ADAMTS12: variants seen among roughly 807,000 people sequenced by gnomAD.
ADAMTS12 encodes the protein ADAM metallopeptidase with thrombospondin type 1 motif 12, also known as A disintegrin and metalloproteinase with thrombospondin motifs 12.
In ADAMTS12, 118 loss-of-function variants were observed where a neutral mutation model predicts 167.8. The ratio of observed to expected loss-of-function variants is 0.70; its 90% CI spans 0.61 to 0.82. The LOEUF (loss-of-function observed/expected upper bound fraction) is 0.82. Among genes scored for constraint, ADAMTS12 ranks in the 40% least tolerant of loss-of-function variants. The pLI, the probability that ADAMTS12 is intolerant of heterozygous loss-of-function variation, is 0.00. For synonymous variants in ADAMTS12, 704 were observed against 716.9 expected, an observed-to-expected ratio of 0.98 and a Z score of 0.29; for missense variants, 1,916 against 1,998.8, an observed-to-expected ratio of 0.96 and a Z score of 0.79.
intron 5 of ADAMTS12, among the ~76,000 whole-genome samples, chr5:33,669,311 A>G (rs1297943567): frequency 6.6e-6 from 1 of 152,212 alleles, no homozygotes; most frequent in East Asian, 1.9e-4. Context: ...GATATCATCC[A>G]GTTCCCTAAA....
intron 12 of ADAMTS12, among the ~76,000 whole-genome samples, chr5:33,635,879 C>T (rs1740168598): frequency 6.6e-6 from 1 of 152,264 alleles, no homozygotes; most frequent in East Asian, 1.9e-4. Flanking sequence ...AAAATAATAG[C>T]ATAGGAATCT....
chr5:33,663,161 C>T (rs984408906), intron 5 of ADAMTS12, among the ~76,000 whole-genome samples: 7 of 152,240 alleles, frequency 4.6e-5, no homozygotes, highest in Non-Finnish European at 7.3e-5. Flanking sequence ...TGCTAAAAGT[C>T]ACTGAGCTGC....
intron 3 of ADAMTS12, among the ~76,000 whole-genome samples, chr5:33,707,840 C>T (rs1482761449): frequency 1.3e-5 from 2 of 152,012 alleles, no homozygotes; most frequent in Non-Finnish European, 2.9e-5. Context: ...GACCTAAAAC[C>T]ATAAAAACTC....
chr5:33,576,049 C>A lies in ADAMTS12; in HGVS notation c.3972+5G>T. 2 of 1,608,694 alleles carry A rather than the reference C, an allele frequency of 1.2e-6. No individual in the cohort carries two copies. Among genetic ancestry groups the A allele is most frequent in the African/African-American group, 2.7e-5 (2 of 74,810 alleles). ...AAACCAGGCCAGGGGTAGGAAATGT[C>A]TTACCTCGCTCCAGTTTCCGACGAT... On this transcript the variant is annotated splice_donor_5th_base_variant and intron_variant, in intron 19 of 23. Coordinates refer to ENST00000504830, the MANE Select transcript of ADAMTS12 (RefSeq NM_030955.4).
chr5:33,767,352 TA>T (rs1745572892), intron 2 of ADAMTS12, among the ~76,000 whole-genome samples: 2 of 152,222 alleles, frequency 1.3e-5, no homozygotes, highest in Non-Finnish European at 2.9e-5. Context: ...TCTTTTATAC[TA>T]AAAATAAAGT....
intron 13 of ADAMTS12, among the ~76,000 whole-genome samples, chr5:33,630,286 A>G (rs1433674594): frequency 6.6e-6 from 1 of 152,222 alleles, no homozygotes; most frequent in African/African-American, 2.4e-5. Flanking sequence ...AATAATTTAT[A>G]TAGACTTGAT....
At chr5:33,847,524 G>A (rs1318957216) in intron 2 of ADAMTS12, among the ~76,000 whole-genome samples, 1 of 152,102 alleles carries the variant, frequency 6.6e-6, no homozygotes, top group Admixed American at 6.5e-5. Flanking sequence ...TCGGGAGGCT[G>A]AGGCAGGAGA....
In ADAMTS12 at chr5:33,524,306, T is replaced by G. The variant is rs1743708648; in HGVS notation, c.*2882A>C. ...CGTGGTGTGTTTAATTACATTTTCA[T>G]GTTTAAGAATTATATTAACCCACAA... is the stretch of plus-strand genomic sequence containing the variant. On this transcript the variant is annotated 3_prime_UTR_variant, in exon 24 of 24. Coordinates refer to ENST00000504830, the MANE Select transcript of ADAMTS12 (RefSeq NM_030955.4). 1 of 152,236 alleles carries G rather than the reference T, an allele frequency of 6.6e-6. No homozygotes were observed. 9.4% of individuals were successfully genotyped at this position (152,236 alleles called of 1,614,324 possible).
intron 3 of ADAMTS12, among the ~76,000 whole-genome samples, chr5:33,710,028 G>A (rs998879135): frequency 3.3e-5 from 5 of 151,906 alleles, no homozygotes; most frequent in African/African-American, 9.7e-5. Context: ...TAAACTCTTC[G>A]AAGCCAATTC....
At chr5:33,622,226 A>T (rs2112115632) in intron 14 of ADAMTS12, among the ~76,000 whole-genome samples, 1 of 152,274 alleles carries the variant, frequency 6.6e-6, no homozygotes, top group South Asian at 2.1e-4. Flanking sequence ...CCAGAATTAG[A>T]GTTGGATTTC....
chr5:33,641,764 C>A, intron 11 of ADAMTS12, 46 bp downstream of exon 11: 7 of 1,505,880 alleles, frequency 4.6e-6, no homozygotes, highest in Non-Finnish European at 5.4e-6. Flanking sequence ...CCCATCCCGC[C>A]CCCAGCACAT....
intron 5 of ADAMTS12, among the ~76,000 whole-genome samples, chr5:33,664,590 A>G (rs1741401276): frequency 6.6e-6 from 1 of 152,210 alleles, no homozygotes; most frequent in Admixed American, 6.5e-5. Context: ...GCAAATTAAA[A>G]CTACAATATG....
At chr5:33,750,016 A>C (rs6874519) in intron 3 of ADAMTS12, among the ~76,000 whole-genome samples, 100,992 of 152,040 alleles carry the variant, frequency 0.66, 34,714 homozygotes, top group Non-Finnish European at 0.75. Flanking sequence ...GTGATTTAAA[A>C]GGTATAAAAT....
In ADAMTS12 at chr5:33,840,489, C is replaced by T. The variant is rs558949162; in HGVS notation, c.489+40630G>A. ...AGATGTGCCACCCTGAGCAACTCACCTAAGTTCCCTGTGGCCTGTTTCCTC... is the reference window on the plus strand; with the variant it reads ...AGATGTGCCACCCTGAGCAACTCACTTAAGTTCCCTGTGGCCTGTTTCCTC... On this transcript the variant is annotated intron_variant, in intron 2 of 23. Transcript: ENST00000504830. Among the ~76,000 whole-genome samples the T allele has an allele frequency of 2.6e-5, 4 of 152,350 alleles. No individual in the cohort carries two copies. The South Asian group carries it at 8.3e-4, about 32-fold the overall frequency.
At chr5:33,673,769 T>C (rs1450987702) in intron 5 of ADAMTS12, among the ~76,000 whole-genome samples, 1 of 152,160 alleles carries the variant, frequency 6.6e-6, no homozygotes, top group African/African-American at 2.4e-5. Flanking sequence ...CAACAACTGC[T>C]TGTATTAGCA....
At chr5:33,649,113 T>C (rs1032759283) in intron 8 of ADAMTS12, 147 bp from the exon 9 acceptor site, 29 of 888,370 alleles carry the variant, frequency 3.3e-5, no homozygotes, top group Non-Finnish European at 4.2e-5. Context: ...TCTAGGCCCA[T>C]CATGGGAGTT....
chr5:33,563,632 T>C (rs1385405596), intron 19 of ADAMTS12, among the ~76,000 whole-genome samples: 1 of 152,202 alleles, frequency 6.6e-6, no homozygotes, highest in African/African-American at 2.4e-5. Flanking sequence ...GTCACTTCTA[T>C]TTTACACGAC....
chr5:33,863,029 G>A (rs977144924), intron 2 of ADAMTS12, among the ~76,000 whole-genome samples: 13 of 152,190 alleles, frequency 8.5e-5, no homozygotes, highest in Admixed American at 4.6e-4. Flanking sequence ...ACTAGATGTC[G>A]ATGAAACGTA....
chr5:33,741,867 C>T (rs1262948589), intron 3 of ADAMTS12, among the ~76,000 whole-genome samples: 2 of 152,094 alleles, frequency 1.3e-5, no homozygotes, highest in Non-Finnish European at 2.9e-5. Flanking sequence ...ACCTTGTGAT[C>T]CACCTGCCTC....
Sources: gnomAD v4.1 joint callset for allele counts (sites outside exome capture counted in the v4.1 genomes callset) on GRCh38, gnomAD v4.1.1 for gene constraint, MANE v1.5 for transcripts, NCBI Gene and HGNC (gene_info 2026-07-23, HGNC 2026-07-21) for gene names.